SUMF1: variants seen among roughly 807,000 people sequenced by gnomAD.
The protein encoded by SUMF1 is sulfatase modifying factor 1, also known as formylglycine-generating enzyme.
SUMF1 carries 48 observed loss-of-function variants against 47.6 expected under a neutral mutation model. The observed-to-expected ratio is 1.01, with a 90% CI of 0.80 to 1.28. The LOEUF is 1.28. SUMF1 is among the 50% of genes most tolerant of loss of function. The pLI, the probability that SUMF1 is intolerant of heterozygous loss-of-function variation, is 0.00. For missense variants in SUMF1, 571 were observed against 485.4 expected (o/e 1.18, Z -1.66); for synonymous variants, 230 against 192.1 (o/e 1.20, Z -1.63).
chr3:4,253,630 G>C (rs2125013336), intron 8 of SUMF1, among the ~76,000 whole-genome samples: 1 of 151,912 alleles, frequency 6.6e-6, no homozygotes, highest in Non-Finnish European at 1.5e-5. Flanking sequence ...GAATCTCGCT[G>C]ATTGCTAGCA....
At chr3:4,144,673 T>G in intron 8 of SUMF1, among the ~76,000 whole-genome samples, 1 of 152,158 alleles carries the variant, frequency 6.6e-6, no homozygotes, top group East Asian at 1.9e-4. Flanking sequence ...TGCTTTTTTC[T>G]GAGACTTGTA....
At chr3:4,084,012 T>A (rs1692620969) in intron 8 of SUMF1, among the ~76,000 whole-genome samples, 1 of 152,156 alleles carries the variant, frequency 6.6e-6, no homozygotes, top group South Asian at 2.1e-4. Context: ...AAAACAATGA[T>A]GTTTATTTCA....
chr3:4,264,318 T>C (rs1697145686), intron 8 of SUMF1, among the ~76,000 whole-genome samples: 1 of 152,152 alleles, frequency 6.6e-6, no homozygotes, highest in Non-Finnish European at 1.5e-5. Flanking sequence ...TGAGGGAATC[T>C]GGGAAGGAGC....
At chr3:4,099,367 T>C (rs548114710) in intron 8 of SUMF1, among the ~76,000 whole-genome samples, 10 of 152,228 alleles carry the variant, frequency 6.6e-5, no homozygotes, top group African/African-American at 2.4e-4. Flanking sequence ...AACCATACGA[T>C]CATCTCAATA....
intron 8 of SUMF1, among the ~76,000 whole-genome samples, chr3:4,243,125 T>C (rs1696581098): frequency 6.6e-6 from 1 of 152,204 alleles, no homozygotes; most frequent in Non-Finnish European, 1.5e-5. Context: ...TTATCATTTT[T>C]TATTGCGTCT....
chr3:4,218,548 C>G (rs1574989760), intron 8 of SUMF1, among the ~76,000 whole-genome samples: 1 of 152,206 alleles, frequency 6.6e-6, no homozygotes, highest in Non-Finnish European at 1.5e-5. Flanking sequence ...CAAGAAGTCA[C>G]TCTAGAGCCA....
chr3:4,457,026 A>G (rs2079667620), intron 1 of SUMF1, among the ~76,000 whole-genome samples: 1 of 143,202 alleles, frequency 7.0e-6, no homozygotes, highest in Non-Finnish European at 1.5e-5. Context: ...GTACATATAT[A>G]TACGTGTGTG....
chr3:4,455,352 A>C (rs1703120513), intron 1 of SUMF1, among the ~76,000 whole-genome samples: 1 of 152,228 alleles, frequency 6.6e-6, no homozygotes, highest in South Asian at 2.1e-4. Context: ...CATACAGCCT[A>C]CCCAGACTGA....
chr3:4,392,860 T>C (rs1700919682), intron 7 of SUMF1, among the ~76,000 whole-genome samples: 1 of 95,812 alleles, frequency 1.0e-5, no homozygotes, highest in South Asian at 3.9e-4. Context: ...ATTGAGGTCA[T>C]ATTTGTGTTG....
At chr3:4,441,975 C>T (rs1419784891) in intron 3 of SUMF1, among the ~76,000 whole-genome samples, 1 of 152,178 alleles carries the variant, frequency 6.6e-6, no homozygotes, top group African/African-American at 2.4e-5. Flanking sequence ...AAACCCAGAA[C>T]GCAAACAGGT....
intron 8 of SUMF1, among the ~76,000 whole-genome samples, chr3:4,336,119 G>T (rs1345971444): frequency 6.6e-6 from 1 of 152,140 alleles, no homozygotes; most frequent in Non-Finnish European, 1.5e-5. Context: ...AACGATTCAA[G>T]GTTGATTTGG....
chr3:4,376,980 T>A (rs1367442676), intron 7 of SUMF1, among the ~76,000 whole-genome samples: 1 of 151,922 alleles, frequency 6.6e-6, no homozygotes, highest in African/African-American at 2.4e-5. Flanking sequence ...AAATTATTAT[T>A]TGTAGAGACA....
intron 1 of SUMF1, among the ~76,000 whole-genome samples, chr3:4,458,877 ACT>A (rs1430355030): frequency 1.3e-5 from 2 of 151,924 alleles, no homozygotes; most frequent in East Asian, 1.9e-4. Flanking sequence ...AAAGAAGAAA[ACT>A]CTGTCATTTA....
At chr3:4,214,469 T>C (rs1695872278) in intron 8 of SUMF1, among the ~76,000 whole-genome samples, 1 of 151,932 alleles carries the variant, frequency 6.6e-6, no homozygotes, top group African/African-American at 2.4e-5. Flanking sequence ...GATCTAAAAT[T>C]GACACCCTAA....
At chr3:4,035,224 AAAC>A (rs1254191382) in intron 9 of SUMF1, among the ~76,000 whole-genome samples, 1 of 152,196 alleles carries the variant, frequency 6.6e-6, no homozygotes, top group African/African-American at 2.4e-5. Context: ...GAATGGCTTA[AAAC>A]AACAAGAGTG....
intron 8 of SUMF1, among the ~76,000 whole-genome samples, chr3:4,135,997 C>A (rs999555131): frequency 2.0e-5 from 3 of 152,144 alleles, no homozygotes; most frequent in African/African-American, 7.2e-5. Context: ...AATGGAAGAA[C>A]ATTCCATGCT....
intron 8 of SUMF1, among the ~76,000 whole-genome samples, chr3:4,170,429 G>C (rs1440919075): frequency 6.6e-6 from 1 of 152,194 alleles, no homozygotes; most frequent in Non-Finnish European, 1.5e-5. Flanking sequence ...CACACTTTGA[G>C]AACTGCCGCT....
At chr3:4,142,315 C>CT (rs1279381296) in intron 8 of SUMF1, among the ~76,000 whole-genome samples, 1 of 152,094 alleles carries the variant, frequency 6.6e-6, no homozygotes, top group Non-Finnish European at 1.5e-5. Flanking sequence ...ATCACATGTC[C>CT]TACAGTTCCT....
At position 4,369,699 on chromosome 3, in the gene SUMF1, A is replaced by G. The variant is rs567223029; in HGVS notation, c.1014+6631T>C. 9.8e-5 allele frequency among the ~76,000 whole-genome samples: 15 copies of G among 152,300 alleles called. No individual in the cohort carries two copies. In the South Asian group the frequency reaches 2.7e-3, roughly 27 times the overall value. On this transcript the variant is annotated intron_variant, in intron 8 of 8. Transcript: ENST00000272902. The stretch of plus-strand genomic sequence containing the variant: ...AAGAATGGCCAATACAGGTTGCTTA[A>G]ATCCATGTTCCTAGGCCATACATCC...
Sources: gnomAD v4.1 joint callset for allele counts (sites outside exome capture counted in the v4.1 genomes callset) on GRCh38, gnomAD v4.1.1 for gene constraint, MANE v1.5 for transcripts, NCBI Gene and HGNC (gene_info 2026-07-23, HGNC 2026-07-21) for gene names.